SLC26A4: variants seen among roughly 807,000 people sequenced by gnomAD.
SLC26A4 encodes the protein solute carrier family 26 member 4.
In SLC26A4, 93 loss-of-function variants were observed where a neutral mutation model predicts 90.4. The observed-to-expected ratio is 1.03, with a 90% CI of 0.87 to 1.22. SLC26A4 has a LOEUF of 1.22. SLC26A4 is among the 50% of genes most tolerant of loss of function. The pLI is 0.00. For missense variants in SLC26A4, 1,127 were observed against 946.2 expected (o/e 1.19, Z -2.51); for synonymous variants, 393 against 354.6 (o/e 1.11, Z -1.22).
chr7:107,703,789 G>A (rs1791963882), intron 17 of SLC26A4, among the ~76,000 whole-genome samples: 1 of 152,066 alleles, frequency 6.6e-6, no homozygotes. Context: ...CTTGTGTCTT[G>A]ACTTTTTAAA....
At chr7:107,713,186 G>A (rs1221824243) in intron 20 of SLC26A4, among the ~76,000 whole-genome samples, 1 of 152,150 alleles carries the variant, frequency 6.6e-6, no homozygotes, top group East Asian at 1.9e-4. Context: ...GAACACTGAA[G>A]GAAGATCACA....
intron 8 of SLC26A4, 145 bp from the exon 9 acceptor site, chr7:107,688,908 T>G (rs1791489096): frequency 2.6e-6 from 2 of 763,652 alleles, no homozygotes; most frequent in Non-Finnish European, 4.5e-6. Flanking sequence ...GCTACTATCA[T>G]GTATGTATTT....
intron 3 of SLC26A4, among the ~76,000 whole-genome samples, chr7:107,671,019 G>A (rs1004664546): frequency 6.6e-6 from 1 of 152,038 alleles, no homozygotes; most frequent in Admixed American, 6.6e-5. Flanking sequence ...TTTTCTTTGG[G>A]TCTAACTTTT....
At chr7:107,679,363 T>C (rs929631585) in intron 6 of SLC26A4, among the ~76,000 whole-genome samples, 3 of 152,178 alleles carry the variant, frequency 2.0e-5, no homozygotes, top group Admixed American at 2.0e-4. Flanking sequence ...GATTGATCTA[T>C]ACATGTATAC....
chr7:107,683,425 G>A, intron 7 of SLC26A4, 30 bp from the exon 8 acceptor site: 1 of 1,608,590 alleles, frequency 6.2e-7, no homozygotes, highest in Non-Finnish European at 8.5e-7. Flanking sequence ...AAAACCAATG[G>A]AGTTTTTAAC....
At chr7:107,677,101 C>T (rs1791043748) in intron 6 of SLC26A4, among the ~76,000 whole-genome samples, 1 of 152,128 alleles carries the variant, frequency 6.6e-6, no homozygotes, top group Non-Finnish European at 1.5e-5. Context: ...CACCTGAGCT[C>T]AGGAAGTTGA....
intron 6 of SLC26A4, among the ~76,000 whole-genome samples, chr7:107,678,296 C>G (rs981248453): frequency 6.6e-6 from 1 of 152,178 alleles, no homozygotes; most frequent in Admixed American, 6.5e-5. Context: ...CCTATACAAA[C>G]CCAGTGACTC....
intron 8 of SLC26A4, among the ~76,000 whole-genome samples, chr7:107,686,236 C>T (rs552360310): frequency 4.6e-5 from 7 of 151,654 alleles, no homozygotes; most frequent in South Asian, 2.1e-4. Flanking sequence ...ATGTTTGTTA[C>T]TCTTTCTTTC....
chr7:107,673,633 C>T (rs539460939), intron 4 of SLC26A4, among the ~76,000 whole-genome samples: 2 of 152,298 alleles, frequency 1.3e-5, no homozygotes, highest in African/African-American at 4.8e-5. Context: ...TTGATATACT[C>T]ACGAAGCATC....
At chr7:107,704,454 T>C (rs1234673641) in intron 18 of SLC26A4, 69 bp downstream of exon 18, 3 of 731,656 alleles carry the variant, frequency 4.1e-6, no homozygotes, top group Non-Finnish European at 7.4e-6. Flanking sequence ...TCTGGGACTG[T>C]GGTCACATTA....
intron 10 of SLC26A4, among the ~76,000 whole-genome samples, chr7:107,691,115 A>G (rs1173599371): frequency 6.6e-6 from 1 of 150,808 alleles, no homozygotes; most frequent in African/African-American, 2.4e-5. Context: ...CAATACACAC[A>G]CACACACACA....
chr7:107,683,641 T>C (rs1791317191), intron 8 of SLC26A4, 104 bp downstream of exon 8: 1 of 851,178 alleles, frequency 1.2e-6, no homozygotes, highest in African/African-American at 1.7e-5. Context: ...CTGATACTCC[T>C]TCAATAGTCC....
Position 107,715,538 on chromosome 7 carries a change from T to C in SLC26A4, c.*92T>C, listed in dbSNP as rs572020417. 1.0e-6 allele frequency: 1 copy of C among 955,442 alleles called. No individual in the cohort carries two copies. The highest frequency in any genetic ancestry group is 1.7e-5 in the Admixed American group (1 of 59,190). The allele number at this position is 955,442 out of a possible 1,614,324, so 59.2% of individuals were successfully genotyped here. A position where few individuals can be genotyped will look rare whatever the true frequency, so the allele number is the denominator to read the frequency against. ...TTCTTCAGACTCAAAACACTCATTC[T>C]TTTTTCTATTAAGCCATTGAAAGAG... On this transcript the variant is annotated 3_prime_UTR_variant, in exon 21 of 21. Coordinates refer to ENST00000644269, the MANE Select transcript of SLC26A4 (RefSeq NM_000441.2).
intron 18 of SLC26A4, among the ~76,000 whole-genome samples, chr7:107,706,248 A>G (rs1562841743): frequency 6.6e-6 from 1 of 152,230 alleles, no homozygotes; most frequent in Non-Finnish European, 1.5e-5. Context: ...GATTATTTAC[A>G]CAGTACAGCA....
At chr7:107,692,756 C>A (rs1269426655) in intron 10 of SLC26A4, among the ~76,000 whole-genome samples, 1 of 152,158 alleles carries the variant, frequency 6.6e-6, no homozygotes, top group Non-Finnish European at 1.5e-5. Flanking sequence ...CTGATTACCC[C>A]CTCCCTTAAC....
chr7:107,702,908 G>A (rs1791937020), intron 17 of SLC26A4, among the ~76,000 whole-genome samples: 1 of 152,192 alleles, frequency 6.6e-6, no homozygotes, highest in African/African-American at 2.4e-5. Context: ...GCATTATTAA[G>A]AGGTTAGAGT....
rs1554362779 is a variant in SLC26A4 at position 107,710,145 on chromosome 7, C to CT, written c.2182dup (p.Tyr728LeufsTer26). 2 of 1,608,422 alleles carry CT rather than the reference C, an allele frequency of 1.2e-6. No homozygotes were observed. Among genetic ancestry groups the CT allele is most frequent in the Non-Finnish European group, 1.7e-6 (2 of 1,174,894 alleles). On this transcript the variant is annotated frameshift_variant, in exon 19 of 21. Transcript: ENST00000644269. LOFTEE classifies it high-confidence loss of function. The stretch of plus-strand genomic sequence containing the variant: ...TTTTGACGGTCCATGATGCTATACT[C>CT]TATCTACAGAACCAAGTGAAATCTC...
chr7:107,683,501 A>G lies in SLC26A4; in HGVS notation c.965A>G (p.Asn322Ser), dbSNP rs781318306. 3 of 1,613,824 alleles carry G rather than the reference A, an allele frequency of 1.9e-6. No homozygotes were observed. In the South Asian group the frequency reaches 3.3e-5, roughly 18 times the overall value. The part of the protein sequence containing the change: ...AISYGANLEK[N>S]YNAGIVKSIP... ...TCATATGGAGCCAACCTGGAAAAAA[A>G]TTACAATGCTGGCATTGTTAAATCC... Residue 322 changes from asparagine (N) to serine (S), a missense_variant, in exon 8 of 21, where the codon AAT (asparagine) becomes AGT (serine). Physicochemically the swap from Asn to Ser is conservative, Grantham distance 46. Transcript: ENST00000644269.
intron 19 of SLC26A4, among the ~76,000 whole-genome samples, 174 bp downstream of exon 19, chr7:107,710,373 G>A (rs896583957): frequency 2.0e-5 from 3 of 152,130 alleles, no homozygotes; most frequent in Admixed American, 2.0e-4. Context: ...ACCTTGCTAG[G>A]TAGATATGAA....
Sources: allele counts gnomAD v4.1 joint callset (sites outside exome capture counted in the v4.1 genomes callset), GRCh38; gene constraint gnomAD v4.1.1; transcripts MANE v1.5; gene names NCBI Gene and HGNC (gene_info 2026-07-23, HGNC 2026-07-21).